ACSF3: variants seen among roughly 807,000 people sequenced by gnomAD.
ACSF3 encodes acyl-CoA synthetase family member 3.
In ACSF3, 78 loss-of-function variants were observed where a neutral mutation model predicts 53.2. That is an observed-to-expected ratio of 1.47 (90% CI 1.22 to 1.77). ACSF3 has a LOEUF of 1.77. Ranked by LOEUF, ACSF3 falls within the 40% of genes most tolerant of loss-of-function variation. The pLI is 0.00. For synonymous variants in ACSF3, 414 were observed against 333.1 expected, an observed-to-expected ratio of 1.24 and a Z score of -2.65; for missense variants, 937 against 771.1, an observed-to-expected ratio of 1.22 and a Z score of -2.55.
At chr16:89,115,613 G>C (rs1048414286) in intron 6 of ACSF3, among the ~76,000 whole-genome samples, 3 of 152,242 alleles carry the variant, frequency 2.0e-5, no homozygotes, top group African/African-American at 7.2e-5. Context: ...GTGCGAACGT[G>C]GTTTTTTATT....
intron 10 of ACSF3, chr16:89,148,193 C>G (rs72819306): frequency 0.044 from 6,647 of 149,874 alleles, 235 homozygotes; most frequent in East Asian, 0.15. Context: ...TAGCCTCTGC[C>G]TGCAAGCAAT....
At chr16:89,106,111 C>T (rs1397023620) in intron 4 of ACSF3, among the ~76,000 whole-genome samples, 1 of 152,210 alleles carries the variant, frequency 6.6e-6, no homozygotes, top group Non-Finnish European at 1.5e-5. Flanking sequence ...GGGATTTCTG[C>T]TCCGAGAGTG....
chr16:89,093,918 C>A lies in ACSF3; in HGVS notation c.-272C>A. On this transcript the variant is annotated 5_prime_UTR_variant, in exon 1 of 11. Coordinates refer to ENST00000614302, the MANE Select transcript of ACSF3 (RefSeq NM_001243279.3). Reference sequence around the variant, plus strand: ...GGGACCCGGCCGGAACCCGGCCCGACCCCGGCGCGCGCGCGGCGGAGGACG... The same window carrying A: ...GGGACCCGGCCGGAACCCGGCCCGAACCCGGCGCGCGCGCGGCGGAGGACG... 1 of 327,744 alleles carries A rather than the reference C, an allele frequency of 3.1e-6. No individual in the cohort carries two copies. Among genetic ancestry groups the A allele is most frequent in the Admixed American group, 3.2e-5 (1 of 31,090 alleles). 20.3% of individuals were successfully genotyped at this position (327,744 alleles called of 1,614,324 possible).
chr16:89,117,841 G>C (rs376250971), intron 6 of ACSF3, among the ~76,000 whole-genome samples: 1 of 152,138 alleles, frequency 6.6e-6, no homozygotes, highest in African/African-American at 2.4e-5. Flanking sequence ...TGAAGCTTCA[G>C]GGTTATTGGG....
In ACSF3 at chr16:89,145,943, G is replaced by C; in HGVS notation, c.1507G>C (p.Ala503Pro). 6.2e-7 allele frequency: 1 copy of C among 1,613,968 alleles called. No homozygotes were observed. The highest frequency in any genetic ancestry group is 8.5e-7 in the Non-Finnish European group (1 of 1,179,840). The change falls in exon 10 of 11, where the codon GCT (alanine) becomes CCT (proline). Residue 503 changes from alanine to proline, a missense_variant. By Grantham distance (27) the Ala-to-Pro change is conservative. Coordinates refer to ENST00000614302, the MANE Select transcript of ACSF3 (RefSeq NM_001243279.3). ...LLAHPSITDV[A>P]VIGVPDMTWG... ...AACTGTTCTTCTATCCGCAGATGTG[G>C]CTGTGATTGGAGTTCCGGATATGAC...
chr16:89,094,264 C>T (rs1277013882), intron 1 of ACSF3, among the ~76,000 whole-genome samples: 2 of 152,110 alleles, frequency 1.3e-5, no homozygotes, highest in Admixed American at 6.5e-5. Flanking sequence ...GTCGAGCCGG[C>T]GGGGTCCGTG....
chr16:89,145,948 G>T lies in ACSF3; in HGVS notation c.1512G>T (p.Val504=). The T allele has an allele frequency of 6.2e-7, 1 of 1,606,548 alleles. No homozygotes were observed. Among genetic ancestry groups the T allele is most frequent in the Non-Finnish European group, 8.5e-7 (1 of 1,174,974 alleles). Residue 504 remains valine (V), a synonymous_variant, in exon 10 of 11, where the codon GTG becomes GTT. Coordinates refer to ENST00000614302, the MANE Select transcript of ACSF3 (RefSeq NM_001243279.3). ...LAHPSITDVA[V]IGVPDMTWGQ... is the part of the protein sequence containing the mutation. ...TTCTTCTATCCGCAGATGTGGCTGT[G>T]ATTGGAGTTCCGGATATGACATGGG...
rs1781387546 is a variant in ACSF3, at chr16:89,120,861, G to C, written c.1187G>C (p.Arg396Thr). 6.2e-7 allele frequency: 1 copy of C among 1,613,978 alleles called. No individual in the cohort carries two copies. The highest frequency in any genetic ancestry group is 1.3e-5 in the African/African-American group (1 of 74,948). ...QVRIVSENPQ[R>T]EACSYTIHAE... ...CGCATTGTCTCAGAAAACCCACAGAGGGAAGCCTGCTCCTACACCATCCAC... is the reference window on the plus strand; with the variant it reads ...CGCATTGTCTCAGAAAACCCACAGACGGAAGCCTGCTCCTACACCATCCAC... The change falls in exon 7 of 11, where the codon AGG becomes ACG. Residue 396 changes from arginine to threonine, a missense_variant. Arg to Thr is a moderately conservative substitution (Grantham distance 71). Coordinates refer to ENST00000614302, the MANE Select transcript of ACSF3 (RefSeq NM_001243279.3).
intron 4 of ACSF3, among the ~76,000 whole-genome samples, chr16:89,107,941 G>A (rs1004574555): frequency 6.6e-6 from 1 of 152,208 alleles, no homozygotes; most frequent in African/African-American, 2.4e-5. Context: ...AGAAAAAGAG[G>A]TTTAATTGGA....
chr16:89,123,267 G>A (rs867775183), intron 7 of ACSF3, among the ~76,000 whole-genome samples: 2 of 152,270 alleles, frequency 1.3e-5, no homozygotes, highest in African/African-American at 4.8e-5. Flanking sequence ...GGGTGGGTGG[G>A]CGCCCCAGGA....
intron 7 of ACSF3, among the ~76,000 whole-genome samples, chr16:89,128,249 A>ATT (rs1057067525): frequency 6.7e-6 from 1 of 149,144 alleles, no homozygotes; most frequent in African/African-American, 2.5e-5. Flanking sequence ...ATATATATAT[A>ATT]TTTTTTTCTT....
chr16:89,145,942 G>T lies in ACSF3; in HGVS notation c.1506G>T (p.Val502=). 1 of 1,613,888 alleles carries T rather than the reference G, an allele frequency of 6.2e-7. No individual in the cohort carries two copies. Among genetic ancestry groups the T allele is most frequent in the Non-Finnish European group, 8.5e-7 (1 of 1,179,756 alleles). Reference sequence around the variant, plus strand: ...AAACTGTTCTTCTATCCGCAGATGTGGCTGTGATTGGAGTTCCGGATATGA... The same window carrying T: ...AAACTGTTCTTCTATCCGCAGATGTTGCTGTGATTGGAGTTCCGGATATGA... The part of the protein sequence containing the change: ...HLLAHPSITD[V]AVIGVPDMTW... Residue 502 remains valine (V), a synonymous_variant, in exon 10 of 11, where the codon GTG becomes GTT. Transcript: ENST00000614302.
At chr16:89,140,877 T>A (rs572590148) in intron 8 of ACSF3, among the ~76,000 whole-genome samples, 13 of 152,252 alleles carry the variant, frequency 8.5e-5, no homozygotes, top group African/African-American at 2.9e-4. Flanking sequence ...AGCTCATAAA[T>A]CCAGGTAATA....
At chr16:89,110,845 G>GGGTGCTGCTCCGC (rs1300985769) in intron 4 of ACSF3, among the ~76,000 whole-genome samples, 1 of 152,138 alleles carries the variant, frequency 6.6e-6, no homozygotes, top group Admixed American at 6.5e-5. Flanking sequence ...GCAGTGTTGT[G>GGGTGCTGCTCCGC]GGTGCTGCTC....
chr16:89,107,990 G>A (rs1161584608), intron 4 of ACSF3, among the ~76,000 whole-genome samples: 1 of 152,208 alleles, frequency 6.6e-6, no homozygotes, highest in African/African-American at 2.4e-5. Context: ...TCAGAATCAT[G>A]GTGGGAGGCA....
At chr16:89,143,750 TC>T (rs768870130) in intron 8 of ACSF3, among the ~76,000 whole-genome samples, 2 of 152,144 alleles carry the variant, frequency 1.3e-5, no homozygotes, top group Non-Finnish European at 2.9e-5. Flanking sequence ...CTCTGGTTTT[TC>T]TGCTACCCAT....
At chr16:89,151,568 G>C (rs1359185214) in intron 10 of ACSF3, 4 of 211,392 alleles carry the variant, frequency 1.9e-5, no homozygotes, top group Non-Finnish European at 2.9e-5. Context: ...GGAATAGAGG[G>C]TTACTTTCAT....
rs1485662628 is a variant in ACSF3 at position 89,155,763 on chromosome 16, A to G, written c.*1556A>G. ...GCAAAATTTTTACTTAATTCCACTA[A>G]TTTTACATTTGCATCTCTCTCCTTT... is the stretch of plus-strand genomic sequence containing the variant. On this transcript the variant is annotated 3_prime_UTR_variant, in exon 11 of 11. Transcript: ENST00000614302. 3 of 449,274 alleles carry G rather than the reference A, an allele frequency of 6.7e-6. No individual in the cohort carries two copies. The highest frequency in any genetic ancestry group is 6.1e-5 in the African/African-American group (3 of 49,156). 27.8% of individuals were successfully genotyped at this position (449,274 alleles called of 1,614,324 possible). A position where few individuals can be genotyped will look rare whatever the true frequency, so the allele number is the denominator to read the frequency against.
At position 89,145,184 on chromosome 16, in the gene ACSF3, G is replaced by A. The variant is rs548042380; in HGVS notation, c.1367-83G>A. ...AGAGGACACCGTGGTGTTTAAGGAC[G>A]GCCAGTTAACCAGAGCCCCTTTTCC... is the stretch of plus-strand genomic sequence containing the variant. On this transcript the variant is annotated intron_variant, in intron 8 of 10. Coordinates refer to ENST00000614302, the MANE Select transcript of ACSF3 (RefSeq NM_001243279.3). The A allele has an allele frequency of 2.7e-4, 428 of 1,612,942 alleles. 1 individual carries two copies. The highest frequency in any genetic ancestry group is 3.3e-4 in the Non-Finnish European group (394 of 1,179,724).
Sources: gnomAD v4.1 joint callset for allele counts (sites outside exome capture counted in the v4.1 genomes callset) on GRCh38, gnomAD v4.1.1 for gene constraint, MANE v1.5 for transcripts, NCBI Gene and HGNC (gene_info 2026-07-23, HGNC 2026-07-21) for gene names.